Variants in ALK observed in about 807,000 individuals in gnomAD.
ALK encodes ALK tyrosine kinase receptor.
Under a neutral mutation model 163.1 loss-of-function variants are expected in ALK, and 74 were observed. That is an observed-to-expected ratio of 0.45 (90% confidence interval 0.38 to 0.55). ALK has a LOEUF of 0.55. ALK is among the 20% of genes least tolerant of loss of function. ALK has a pLI of 0.00. For synonymous variants in ALK, 960 were observed against 843.2 expected, an observed-to-expected ratio of 1.14 and a Z score of -2.40; for missense variants, 2,063 against 2,105.3, an observed-to-expected ratio of 0.98 and a Z score of 0.39.
chr2:29,624,484 C>A (rs568077289), intron 3 of ALK, among the ~76,000 whole-genome samples: 1 of 152,030 alleles, frequency 6.6e-6, no homozygotes, highest in Non-Finnish European at 1.5e-5. Context: ...TGCAGAGGAG[C>A]GGGTGGAGCT....
intron 5 of ALK, among the ~76,000 whole-genome samples, chr2:29,380,472 G>C (rs973495984): frequency 2.0e-5 from 3 of 152,024 alleles, no homozygotes; most frequent in African/African-American, 7.3e-5. Flanking sequence ...AGGCTGGAGT[G>C]CAATGGTGCC....
chr2:29,275,628 C>G, intron 9 of ALK, 132 bp from the exon 10 acceptor site: 3 of 872,478 alleles, frequency 3.4e-6, no homozygotes, highest in Non-Finnish European at 3.8e-6. Context: ...AATCCCAGAG[C>G]AGTGGCGAGA....
At chr2:29,826,493 T>C (rs1011964056) in intron 1 of ALK, among the ~76,000 whole-genome samples, 4 of 152,020 alleles carry the variant, frequency 2.6e-5, no homozygotes, top group African/African-American at 4.8e-5. Flanking sequence ...CCAGTCTCTC[T>C]CTCTCTGTCT....
intron 2 of ALK, among the ~76,000 whole-genome samples, chr2:29,696,530 TAA>T (rs60320646): frequency 0.66 from 68,124 of 103,458 alleles, 21,793 homozygotes; most frequent in Non-Finnish European, 0.74. Flanking sequence ...CTTAAAGGAT[TAA>T]AAAAAAAAAA....
At chr2:29,423,083 T>C (rs1258296211) in intron 4 of ALK, among the ~76,000 whole-genome samples, 2 of 152,122 alleles carry the variant, frequency 1.3e-5, no homozygotes, top group Admixed American at 6.5e-5. Context: ...GAAAGAATTA[T>C]TTTTTTCTCT....
chr2:29,304,100 C>T (rs1490933371), intron 8 of ALK, among the ~76,000 whole-genome samples: 2 of 152,196 alleles, frequency 1.3e-5, no homozygotes, highest in African/African-American at 2.4e-5. Context: ...TAGTTATAAT[C>T]GTAGTTTCTT....
At chr2:29,694,804 C>T (rs2148289448) in intron 3 of ALK, 46 bp downstream of exon 3, 1 of 1,610,298 alleles carries the variant, frequency 6.2e-7, no homozygotes, top group Non-Finnish European at 8.5e-7. Context: ...GGTATTCCAG[C>T]CTGGCCCTGA....
In ALK at chr2:29,510,904, T is replaced by C. The variant is rs114540198; in HGVS notation, c.1154+21011A>G. On this transcript the variant is annotated intron_variant, in intron 4 of 28. Transcript: ENST00000389048. ...ATACCACTCATGTTCTCTAGCTGTG[T>C]CTGCACTGTGCAAGGCAGACTGAAG... is the stretch of plus-strand genomic sequence containing the variant. 7.2e-3 allele frequency among the ~76,000 whole-genome samples: 1,091 copies of C among 152,270 alleles called. 9 individuals carry two copies. Among genetic ancestry groups the C allele is most frequent in the African/African-American group, 0.024 (987 of 41,544 alleles).
At chr2:29,396,801 A>G (rs1357376596) in intron 4 of ALK, among the ~76,000 whole-genome samples, 2 of 122,744 alleles carry the variant, frequency 1.6e-5, no homozygotes, top group African/African-American at 6.4e-5. Context: ...TTTGCTCATG[A>G]TGTTCTCTGT....
chr2:29,285,377 G>A (rs1053326125), intron 9 of ALK, among the ~76,000 whole-genome samples: 3 of 151,798 alleles, frequency 2.0e-5, no homozygotes, highest in Admixed American at 2.0e-4. Context: ...TTAGCTTCCC[G>A]AGTAGCTGGG....
At chr2:29,641,991 C>A (rs1676717253) in intron 3 of ALK, among the ~76,000 whole-genome samples, 2 of 152,168 alleles carry the variant, frequency 1.3e-5, no homozygotes, top group African/African-American at 4.8e-5. Context: ...GGGCTCCATC[C>A]ATGATTCTTT....
chr2:29,859,563 C>T (rs79979725), intron 1 of ALK, among the ~76,000 whole-genome samples: 1,826 of 151,940 alleles, frequency 0.012, 41 homozygotes, highest in East Asian at 0.095. Context: ...ACGGCAAAAC[C>T]GCAGGTGGAA....
intron 4 of ALK, among the ~76,000 whole-genome samples, chr2:29,491,552 A>G (rs1671902658): frequency 6.6e-6 from 1 of 152,212 alleles, no homozygotes; most frequent in South Asian, 2.1e-4. Flanking sequence ...TGATTCTAAA[A>G]TTGATGTTGA....
At chr2:29,592,141 T>G (rs1035825348) in intron 3 of ALK, among the ~76,000 whole-genome samples, 1 of 152,150 alleles carries the variant, frequency 6.6e-6, no homozygotes, top group Non-Finnish European at 1.5e-5. Context: ...CGCCAGCAGC[T>G]GATGGCTTCT....
chr2:29,694,237 A>G (rs1678487344), intron 3 of ALK, among the ~76,000 whole-genome samples: 1 of 152,190 alleles, frequency 6.6e-6, no homozygotes, highest in Non-Finnish European at 1.5e-5. Context: ...CCTGATAATA[A>G]AGAAGGGGAC....
chr2:29,331,607 T>C (rs777195796), intron 5 of ALK, among the ~76,000 whole-genome samples: 2 of 152,214 alleles, frequency 1.3e-5, no homozygotes, highest in Admixed American at 6.5e-5. Flanking sequence ...AAAACGCCTT[T>C]CTGCACACAC....
At chr2:29,250,655 C>T (rs1349190946) in intron 12 of ALK, among the ~76,000 whole-genome samples, 4 of 152,080 alleles carry the variant, frequency 2.6e-5, no homozygotes, top group African/African-American at 4.8e-5. Context: ...CTGGGAGGAG[C>T]GTTCCAGAAC....
chr2:29,329,464 G>C (rs563131080), intron 5 of ALK, among the ~76,000 whole-genome samples: 199 of 152,280 alleles, frequency 1.3e-3, no homozygotes, highest in African/African-American at 4.1e-3. Context: ...GAGCAGGTAG[G>C]GCTCACCTGG....
chr2:29,290,132 C>T (rs571873871), intron 9 of ALK, among the ~76,000 whole-genome samples: 1 of 152,138 alleles, frequency 6.6e-6, no homozygotes, highest in Non-Finnish European at 1.5e-5. Flanking sequence ...GATGCTGTCT[C>T]GTGAAGTGAA....
Sources: gnomAD v4.1 joint callset for allele counts (sites outside exome capture counted in the v4.1 genomes callset) on GRCh38, gnomAD v4.1.1 for gene constraint, MANE v1.5 for transcripts, NCBI Gene and HGNC (gene_info 2026-07-23, HGNC 2026-07-21) for gene names.